CDH18: variants seen among roughly 807,000 people sequenced by gnomAD.
CDH18 encodes the protein cadherin 18, also known as cadherin-18.
Under a neutral mutation model 67.9 loss-of-function variants are expected in CDH18, and 31 were observed. The observed-to-expected ratio is 0.46, with a 90% CI of 0.34 to 0.62. The LOEUF is 0.62. Among genes scored for constraint, CDH18 ranks in the 20% least tolerant of loss-of-function variants. CDH18 has a pLI of 0.01. For synonymous variants in CDH18, 362 were observed against 347.2 expected, an observed-to-expected ratio of 1.04 and a Z score of -0.48; for missense variants, 890 against 975.5, an observed-to-expected ratio of 0.91 and a Z score of 1.17.
chr5:20,125,899 T>C (rs1748780220), intron 2 of CDH18, among the ~76,000 whole-genome samples: 1 of 152,144 alleles, frequency 6.6e-6, no homozygotes, highest in Non-Finnish European at 1.5e-5. Context: ...CAAAGCCATC[T>C]ACCAATTCAA....
chr5:19,838,958 C>G lies in CDH18; in HGVS notation c.29G>C (p.Cys10Ser), dbSNP rs189671590. The G allele has an allele frequency of 3.5e-5, 56 of 1,613,640 alleles. No individual in the cohort carries two copies. Among genetic ancestry groups the G allele is most frequent in the Non-Finnish European group, 4.4e-5 (52 of 1,179,582 alleles). The change falls in exon 3 of 13, where the codon TGT (cysteine) becomes TCT (serine). Residue 10 changes from cysteine to serine, a missense_variant. This residue lies in a region of CDH18 where 234 missense variants were observed against 307.4 expected (regional missense o/e 0.76). Coordinates refer to ENST00000382275, the MANE Select transcript of CDH18 (RefSeq NM_004934.5). ...AAAACAGAGACACACTAGGACTGGACAGATGCAAGATGTGCTAGTAATTTT... is the reference window on the plus strand; with the variant it reads ...AAAACAGAGACACACTAGGACTGGAGAGATGCAAGATGTGCTAGTAATTTT... Reference protein sequence around the residue: MKITSTSCICPVLVCLCFVQ... With the variant: MKITSTSCISPVLVCLCFVQ...
intron 3 of CDH18, among the ~76,000 whole-genome samples, chr5:19,814,614 T>C (rs546675088): frequency 6.6e-6 from 1 of 152,156 alleles, no homozygotes; most frequent in East Asian, 1.9e-4. Context: ...TTTGCACTTG[T>C]AGGTCCTTTT....
chr5:20,296,482 C>G (rs1254167268), intron 1 of CDH18, among the ~76,000 whole-genome samples: 5 of 148,306 alleles, frequency 3.4e-5, no homozygotes, highest in Non-Finnish European at 7.5e-5. Flanking sequence ...AGGGTGGTCT[C>G]GATCTCCTGA....
intron 2 of CDH18, among the ~76,000 whole-genome samples, chr5:20,108,757 C>A (rs773569139): frequency 3.9e-5 from 6 of 152,102 alleles, no homozygotes; most frequent in Non-Finnish European, 8.8e-5. Context: ...CCATTATCAT[C>A]CTTATCATAT....
chr5:20,236,108 C>A (rs1468761500), intron 2 of CDH18, among the ~76,000 whole-genome samples: 1 of 152,008 alleles, frequency 6.6e-6, no homozygotes, highest in Non-Finnish European at 1.5e-5. Flanking sequence ...TGTTGAAAAT[C>A]TACCTGTTGG....
intron 3 of CDH18, among the ~76,000 whole-genome samples, chr5:19,762,422 A>C (rs1015028454): frequency 3.3e-5 from 5 of 152,136 alleles, no homozygotes; most frequent in African/African-American, 1.2e-4. Context: ...CCCCATCAAA[A>C]AGTGGGCAAA....
intron 2 of CDH18, among the ~76,000 whole-genome samples, chr5:19,997,513 A>G (rs1161238656): frequency 1.3e-5 from 2 of 152,154 alleles, no homozygotes; most frequent in Non-Finnish European, 2.9e-5. Context: ...TTACTCCTGT[A>G]TCTAGGCTTC....
At chr5:19,558,688 G>C (rs939241686) in intron 8 of CDH18, among the ~76,000 whole-genome samples, 1 of 152,062 alleles carries the variant, frequency 6.6e-6, no homozygotes, top group Admixed American at 6.6e-5. Context: ...TCCAGGACCA[G>C]ACAGATTCAT....
intron 1 of CDH18, among the ~76,000 whole-genome samples, chr5:20,281,978 A>G (rs565102145): frequency 6.6e-6 from 1 of 152,000 alleles, no homozygotes; most frequent in Non-Finnish European, 1.5e-5. Flanking sequence ...TGAAGCAATT[A>G]TAAATGGGAG....
chr5:20,190,963 A>G (rs1285809481), intron 2 of CDH18, among the ~76,000 whole-genome samples: 1 of 152,132 alleles, frequency 6.6e-6, no homozygotes, highest in Admixed American at 6.6e-5. Context: ...ACAGCACCAT[A>G]TGTCTACCTT....
At chr5:20,493,411 TA>T (rs1315104911) in intron 1 of CDH18, among the ~76,000 whole-genome samples, 2 of 151,248 alleles carry the variant, frequency 1.3e-5, no homozygotes, top group African/African-American at 2.4e-5. Flanking sequence ...TTTTATTTTT[TA>T]TTGTTTCTGT....
intron 3 of CDH18, among the ~76,000 whole-genome samples, chr5:19,827,906 G>A (rs574685721): frequency 5.9e-5 from 9 of 152,040 alleles, no homozygotes; most frequent in South Asian, 2.1e-4. Context: ...TATGTGACAC[G>A]CCATACAAAA....
intron 2 of CDH18, among the ~76,000 whole-genome samples, chr5:20,027,902 G>A (rs912786990): frequency 2.0e-5 from 3 of 152,178 alleles, no homozygotes; most frequent in Non-Finnish European, 4.4e-5. Flanking sequence ...ATTAAGATGA[G>A]TGGCCTTTGC....
intron 5 of CDH18, among the ~76,000 whole-genome samples, chr5:19,620,973 C>T (rs1175057446): frequency 6.6e-6 from 1 of 152,048 alleles, no homozygotes; most frequent in Non-Finnish European, 1.5e-5. Flanking sequence ...TCATAATAAA[C>T]CCATTACAGA....
intron 10 of CDH18, among the ~76,000 whole-genome samples, chr5:19,505,979 A>C (rs1268257270): frequency 1.3e-5 from 2 of 152,102 alleles, no homozygotes; most frequent in East Asian, 3.9e-4. Context: ...GCTATTAATT[A>C]TTGCCTCAAT....
chr5:19,999,379 C>T (rs1383916864), intron 2 of CDH18, among the ~76,000 whole-genome samples: 2 of 152,120 alleles, frequency 1.3e-5, no homozygotes, highest in East Asian at 1.9e-4. Context: ...GCGGGTGTAT[C>T]ACCTGAGATC....
chr5:20,233,891 C>T (rs1017285114), intron 2 of CDH18, among the ~76,000 whole-genome samples: 3 of 152,070 alleles, frequency 2.0e-5, no homozygotes, highest in African/African-American at 7.2e-5. Context: ...CTTCTTGAAT[C>T]AGATCTGGCT....
rs79266872 is a variant in CDH18 at position 20,499,882 on chromosome 5, T to C, written c.-580+75580A>G. 2.4e-4 allele frequency among the ~76,000 whole-genome samples: 37 copies of C among 152,280 alleles called. No individual in the cohort carries two copies. In the East Asian group the frequency reaches 7.0e-3, roughly 29 times the overall value. On this transcript the variant is annotated intron_variant, in intron 1 of 14. Coordinates refer to the CDH18 transcript ENST00000507958. ...TTGCCATTCCAAGTATATAAATTTA[T>C]ATTTATGTGAACTGTGCTTATCCCA...
chr5:20,327,571 T>A (rs1191613523), intron 1 of CDH18, among the ~76,000 whole-genome samples: 2 of 152,114 alleles, frequency 1.3e-5, no homozygotes, highest in African/African-American at 4.8e-5. Flanking sequence ...CCTCAGACAC[T>A]CTTCCAGTTC....
Sources: allele counts gnomAD v4.1 joint callset (sites outside exome capture counted in the v4.1 genomes callset), GRCh38; gene constraint gnomAD v4.1.1; regional missense constraint gnomAD v4.1.1; transcripts MANE v1.5; gene names NCBI Gene and HGNC (gene_info 2026-07-23, HGNC 2026-07-21).